The following MND1 variants were observed in gnomAD, a reference collection of about 807,000 sequenced individuals.
The protein encoded by MND1 is meiotic nuclear divisions 1.
Under a neutral mutation model 35.1 loss-of-function variants are expected in MND1, and 28 were observed. The observed-to-expected ratio is 0.80, with a 90% CI of 0.59 to 1.09. MND1 has a LOEUF of 1.09. MND1 is among the 50% of genes least tolerant of loss of function. The pLI is 0.00. For synonymous variants in MND1, 69 were observed against 70.5 expected, an observed-to-expected ratio of 0.98 and a Z score of 0.11; for missense variants, 213 against 239.6, an observed-to-expected ratio of 0.89 and a Z score of 0.73.
chr4:153,377,172 T>C (rs892078000), intron 4 of MND1, among the ~76,000 whole-genome samples: 1 of 152,184 alleles, frequency 6.6e-6, no homozygotes, highest in African/African-American at 2.4e-5. Context: ...ACATATTTTT[T>C]AGGGATTGGC....
intron 1 of MND1, among the ~76,000 whole-genome samples, chr4:153,347,806 G>A (rs1773110206): frequency 6.6e-6 from 1 of 152,128 alleles, no homozygotes; most frequent in African/African-American, 2.4e-5. Flanking sequence ...CATTCTTCGA[G>A]TAGATAATTA....
At chr4:153,381,311 G>T (rs1384118398) in intron 4 of MND1, among the ~76,000 whole-genome samples, 1 of 151,832 alleles carries the variant, frequency 6.6e-6, no homozygotes, top group Admixed American at 6.6e-5. Context: ...AAGCTATTTG[G>T]TAGATGAACC....
At chr4:153,414,661 G>A in intron 7 of MND1, 90 bp from the exon 8 acceptor site, 1 of 535,110 alleles carries the variant, frequency 1.9e-6, no homozygotes, top group Non-Finnish European at 3.2e-6. Context: ...AAAGTTAATA[G>A]AAGGAAGTAA....
At chr4:153,394,900 A>C (rs1729157257) in intron 5 of MND1, among the ~76,000 whole-genome samples, 1 of 152,184 alleles carries the variant, frequency 6.6e-6, no homozygotes, top group Admixed American at 6.5e-5. Context: ...AGAGATTTTA[A>C]AAGTCATTTC....
At chr4:153,377,347 C>T (rs1018095504) in intron 4 of MND1, among the ~76,000 whole-genome samples, 1 of 152,170 alleles carries the variant, frequency 6.6e-6, no homozygotes, top group Non-Finnish European at 1.5e-5. Flanking sequence ...ATAGCTAAAA[C>T]TGAGTGCATC....
At chr4:153,354,933 C>T (rs899208110) in intron 2 of MND1, among the ~76,000 whole-genome samples, 6 of 152,036 alleles carry the variant, frequency 3.9e-5, no homozygotes, top group Non-Finnish European at 5.9e-5. Context: ...GAGGCTGAGA[C>T]GGGAGGATTG....
intron 4 of MND1, among the ~76,000 whole-genome samples, chr4:153,380,748 T>C (rs1327232101): frequency 6.6e-6 from 1 of 152,178 alleles, no homozygotes; most frequent in African/African-American, 2.4e-5. Context: ...ATTAGATATA[T>C]AATTGTTGAA....
At chr4:153,401,525 T>C (rs114951954) in intron 6 of MND1, among the ~76,000 whole-genome samples, 101 of 150,166 alleles carry the variant, frequency 6.7e-4, no homozygotes, top group African/African-American at 2.5e-3. Flanking sequence ...TAACCTCTAC[T>C]CACCCCAAAT....
intron 4 of MND1, among the ~76,000 whole-genome samples, chr4:153,385,669 T>G (rs1053707107): frequency 7.1e-6 from 1 of 140,982 alleles, no homozygotes; most frequent in African/African-American, 2.7e-5. Context: ...TGAGCCACAA[T>G]CATGCCACCG....
At chr4:153,354,517 A>G (rs1274116696) in intron 2 of MND1, among the ~76,000 whole-genome samples, 2 of 151,960 alleles carry the variant, frequency 1.3e-5, no homozygotes, top group African/African-American at 2.4e-5. Context: ...TTGTTTTTTG[A>G]GACACAGTCT....
chr4:153,348,880 C>A (rs535244501), intron 1 of MND1, among the ~76,000 whole-genome samples: 3 of 152,282 alleles, frequency 2.0e-5, no homozygotes, highest in Non-Finnish European at 2.9e-5. Context: ...AATGGCAATT[C>A]CAAATCCTTG....
At chr4:153,350,174 C>G in intron 2 of MND1, 45 bp downstream of exon 2, 1 of 1,393,906 alleles carries the variant, frequency 7.2e-7, no homozygotes, top group South Asian at 1.2e-5. Context: ...TAATTTTCAT[C>G]TTAAGTATAT....
At chr4:153,344,850 G>A (rs1773032602) in intron 1 of MND1, 110 bp downstream of exon 1, 6 of 1,504,056 alleles carry the variant, frequency 4.0e-6, no homozygotes, top group Non-Finnish European at 5.4e-6. Context: ...ATTCCGGGCC[G>A]CGGGAGCGGT....
chr4:153,414,910 A>C lies in MND1; in HGVS notation c.*53A>C. 1.3e-6 allele frequency: 1 copy of C among 754,070 alleles called. No homozygotes were observed. The highest frequency in any genetic ancestry group is 2.1e-6 in the Non-Finnish European group (1 of 471,146). The allele number at this position is 754,070 out of a possible 1,614,324, so 46.7% of individuals were successfully genotyped here. A position where few individuals can be genotyped will look rare whatever the true frequency, so the allele number is the denominator to read the frequency against. ...AAGCTTGTGAATATGTAAATTTTAA[A>C]CTATTATCTAACTAAGTGTACTGAA... On this transcript the variant is annotated 3_prime_UTR_variant, in exon 8 of 8. Transcript: ENST00000240488.
chr4:153,357,819 T>A (rs1259609473), intron 3 of MND1, among the ~76,000 whole-genome samples: 1 of 152,204 alleles, frequency 6.6e-6, no homozygotes, highest in Non-Finnish European at 1.5e-5. Context: ...TCTTACCTAT[T>A]TTCCCTCCCA....
chr4:153,371,406 G>C (rs1478067769), intron 4 of MND1, among the ~76,000 whole-genome samples: 1 of 152,108 alleles, frequency 6.6e-6, no homozygotes, highest in Admixed American at 6.5e-5. Flanking sequence ...ACAGAAGGCT[G>C]TTTTGTCTAC....
intron 7 of MND1, among the ~76,000 whole-genome samples, chr4:153,410,562 G>C (rs987305761): frequency 1.3e-5 from 2 of 152,108 alleles, no homozygotes; most frequent in Non-Finnish European, 2.9e-5. Context: ...AGGTAGATTG[G>C]TAAAATCAAT....
intron 4 of MND1, among the ~76,000 whole-genome samples, chr4:153,362,594 C>T (rs1773523531): frequency 1.3e-5 from 2 of 152,172 alleles, no homozygotes; most frequent in Admixed American, 6.5e-5. Flanking sequence ...GTATTTATAG[C>T]CATGTGAGAA....
intron 4 of MND1, among the ~76,000 whole-genome samples, chr4:153,371,101 T>C (rs1773780195): frequency 6.6e-6 from 1 of 152,076 alleles, no homozygotes; most frequent in Non-Finnish European, 1.5e-5. Context: ...GAAAGAAATC[T>C]TTTTTCTGAG....
Sources: allele counts gnomAD v4.1 joint callset (sites outside exome capture counted in the v4.1 genomes callset), GRCh38; gene constraint gnomAD v4.1.1; transcripts MANE v1.5; gene names NCBI Gene and HGNC (gene_info 2026-07-23, HGNC 2026-07-21).